Variants in SEMA4C observed in about 807,000 individuals in gnomAD.
SEMA4C encodes semaphorin 4C.
SEMA4C carries 19 observed loss-of-function variants against 89.0 expected under a neutral mutation model. The observed-to-expected ratio is 0.21, with a 90% CI of 0.15 to 0.31. SEMA4C has a LOEUF of 0.31. Among genes scored for constraint, SEMA4C ranks in the 10% least tolerant of loss-of-function variants. The probability of loss-of-function intolerance (pLI) is 1.00; values close to 1 mark genes in which losing one functional copy is unlikely to be tolerated. For synonymous variants in SEMA4C, 428 were observed against 472.7 expected, an observed-to-expected ratio of 0.91 and a Z score of 1.23; for missense variants, 811 against 1,107.0, an observed-to-expected ratio of 0.73 and a Z score of 3.79.
At chr2:96,867,667 C>CTTTCCA in intron 2 of SEMA4C, 111 bp downstream of exon 2, 1 of 1,149,492 alleles carries the variant, frequency 8.7e-7, no homozygotes, top group South Asian at 1.3e-5. Flanking sequence ...TCTTCCAACT[C>CTTTCCA]GAGTTTCTTA....
At position 96,860,446 on chromosome 2, in the gene SEMA4C, G is replaced by A; in HGVS notation, c.*180C>T. The A allele has an allele frequency of 1.8e-6, 1 of 551,664 alleles. No homozygotes were observed. The allele number at this position is 551,664 out of a possible 1,614,324, so 34.2% of individuals were successfully genotyped here. ...TTCTGCGAGGCTGGTGCCCTGGTGA[G>A]CCACACCAAGTGGCAGTGCCCGTGC... On this transcript the variant is annotated 3_prime_UTR_variant, in exon 15 of 15. Transcript: ENST00000305476.
At chr2:96,869,248 C>G (rs1226580279) in intron 1 of SEMA4C, 2 of 985,328 alleles carry the variant, frequency 2.0e-6, no homozygotes, top group African/African-American at 1.7e-5. Flanking sequence ...GGTGCTCCCA[C>G]CCGCAGCTCC....
At chr2:96,868,932 G>A (rs1559038308) in intron 1 of SEMA4C, 1 of 985,388 alleles carries the variant, frequency 1.0e-6, no homozygotes, top group Admixed American at 6.1e-5. Context: ...CCGTGCCAGG[G>A]GCGGAGACGC....
rs746789954 is a variant in SEMA4C, at chr2:96,867,827, C to T, written c.60G>A (p.Gly20=). The change falls in exon 2 of 15, where the codon GGG becomes GGA. Residue 20 remains glycine (G), a synonymous_variant. Transcript: ENST00000305476. ...GCACAAGGTTCCACCACACCTCAGC[C>T]CCAATGCCCAGGCCCCACAGCCTTG... ...LAARLWGLGI[G]AEVWWNLVPR... 2 of 1,613,710 alleles carry T rather than the reference C, an allele frequency of 1.2e-6. No individual in the cohort carries two copies. The highest frequency in any genetic ancestry group is 1.1e-5 in the South Asian group (1 of 91,086).
intron 5 of SEMA4C, 31 bp from the exon 6 acceptor site, chr2:96,865,568 T>C: frequency 6.2e-7 from 1 of 1,607,506 alleles, no homozygotes; most frequent in Non-Finnish European, 8.5e-7. Context: ...GATGAGGAGA[T>C]GCTTAAGGGC....
rs750626954 is a variant in SEMA4C at position 96,863,670 on chromosome 2, C to T, written c.1443+12G>A. ...TGCTGGGGACAGTGGCAGATAGGGCCCAACTTACTACCTTGCTCTGAGATA... is the reference window on the plus strand; with the variant it reads ...TGCTGGGGACAGTGGCAGATAGGGCTCAACTTACTACCTTGCTCTGAGATA... On this transcript the variant is annotated intron_variant, in intron 12 of 14. Coordinates refer to ENST00000305476, the MANE Select transcript of SEMA4C (RefSeq NM_017789.5). 9 of 1,608,920 alleles carry T rather than the reference C, an allele frequency of 5.6e-6. No individual in the cohort carries two copies. Among genetic ancestry groups the T allele is most frequent in the East Asian group, 2.2e-5 (1 of 44,836 alleles).
chr2:96,866,077 C>G, intron 3 of SEMA4C, 148 bp from the exon 4 acceptor site: 2 of 1,047,050 alleles, frequency 1.9e-6, no homozygotes, highest in Non-Finnish European at 2.8e-6. Flanking sequence ...AGAATGGAAG[C>G]CCCAAACCAC....
chr2:96,869,399 C>A, intron 1 of SEMA4C: 3 of 974,896 alleles, frequency 3.1e-6, no homozygotes, highest in Non-Finnish European at 3.6e-6. Flanking sequence ...GCGCTCCAGC[C>A]GGGGACGGCG....
chr2:96,870,129 G>T (rs2080172624), upstream of SEMA4C: 1 of 972,826 alleles, frequency 1.0e-6, no homozygotes, highest in South Asian at 4.7e-5. Flanking sequence ...CAGGCTGGGG[G>T]GGTCGAGCGG....
Position 96,860,759 on chromosome 2 carries a change from A to C in SEMA4C, c.2369T>G (p.Val790Gly). The C allele has an allele frequency of 6.2e-7, 1 of 1,613,838 alleles. No individual in the cohort carries two copies. The highest frequency in any genetic ancestry group is 1.3e-5 in the African/African-American group (1 of 75,008). ...GTCCTCCCCTCCTAGTTGTAAGCGC[A>C]CGTAACCATTGGCATTTGAGTTCCG... ...GGRNSNANGY[V>G]RLQLGGEDRG... The change falls in exon 15 of 15, where the codon GTG becomes GGG. Residue 790 changes from valine to glycine, a missense_variant. Val to Gly is a moderately radical substitution (Grantham distance 109). Transcript: ENST00000305476.
Position 96,864,067 on chromosome 2 carries a change from G to T in SEMA4C, c.1189C>A (p.His397Asn). The change falls in exon 11 of 15, where the codon CAC (histidine) becomes AAC (asparagine). Residue 397 changes from histidine (H) to asparagine (N), a missense_variant. Coordinates refer to ENST00000305476, the MANE Select transcript of SEMA4C (RefSeq NM_017789.5). The surrounding 1 kb of genome is among the most constrained non-coding windows in gnomAD (Gnocchi z 6.3). ...PDNILNFVKK[H>N]PLMEEQVGPR... Reference sequence around the variant, plus strand: ...CCCACCTGCTCCTCCATCAGCGGGTGCTTCTTGACGAAGTTGAGGATGTTG... The same window carrying T: ...CCCACCTGCTCCTCCATCAGCGGGTTCTTCTTGACGAAGTTGAGGATGTTG... 6.2e-7 allele frequency: 1 copy of T among 1,613,228 alleles called. No homozygotes were observed. Among genetic ancestry groups the T allele is most frequent in the Non-Finnish European group, 8.5e-7 (1 of 1,180,016 alleles).
intron 2 of SEMA4C, chr2:96,867,075 A>G (rs1559036831): frequency 5.0e-6 from 1 of 199,582 alleles, no homozygotes; most frequent in Non-Finnish European, 1.0e-5. Context: ...GCAGGGCACT[A>G]CGACATTTAT....
At chr2:96,862,873 A>C (rs1428547135) in intron 12 of SEMA4C, 1 of 150,600 alleles carries the variant, frequency 6.6e-6, no homozygotes, top group Non-Finnish European at 1.5e-5. Context: ...AAAAAAAAAA[A>C]AAAAAAAAAA....
chr2:96,860,775 T>C lies in SEMA4C; in HGVS notation c.2353A>G (p.Asn785Asp). 1 of 1,613,782 alleles carries C rather than the reference T, an allele frequency of 6.2e-7. No individual in the cohort carries two copies. The highest frequency in any genetic ancestry group is 8.5e-7 in the Non-Finnish European group (1 of 1,179,980). ...TGTAAGCGCACGTAACCATTGGCAT[T>C]TGAGTTCCGCCCACCCCCCAGGTGA... Reference protein sequence around the residue: ...RLHLGGGRNSNANGYVRLQLG... With the variant: ...RLHLGGGRNSDANGYVRLQLG... The change falls in exon 15 of 15, where the codon AAT becomes GAT. Residue 785 changes from asparagine to aspartate, a missense_variant. Physicochemically the swap from Asn to Asp is conservative, Grantham distance 23. This residue lies in a region of SEMA4C where 248 missense variants were observed against 269.0 expected (regional missense o/e 0.92). Coordinates refer to ENST00000305476, the MANE Select transcript of SEMA4C (RefSeq NM_017789.5).
At chr2:96,863,648 TG>T (rs775528981) in intron 12 of SEMA4C, 33 bp downstream of exon 12, 23 of 1,573,140 alleles carry the variant, frequency 1.5e-5, no homozygotes, top group Middle Eastern at 3.3e-4. Flanking sequence ...GGGATAGTGC[TG>T]GGGACAGTGG....
chr2:96,862,838 G>A (rs1388887782), intron 12 of SEMA4C: 2 of 149,796 alleles, frequency 1.3e-5, no homozygotes, highest in East Asian at 3.9e-4. Flanking sequence ...CTCCAGCCTG[G>A]GTGACAGAGC....
rs776978967 is a variant in SEMA4C at position 96,864,053 on chromosome 2, C to T, written c.1203G>A (p.Glu401=). The T allele has an allele frequency of 6.2e-7, 1 of 1,613,402 alleles. No homozygotes were observed. Among genetic ancestry groups the T allele is most frequent in the Non-Finnish European group, 8.5e-7 (1 of 1,180,030 alleles). The change falls in exon 11 of 15, where the codon GAG becomes GAA. Residue 401 remains glutamate, a synonymous_variant. Coordinates refer to ENST00000305476, the MANE Select transcript of SEMA4C (RefSeq NM_017789.5). This position sits in a 1 kb window ranked among gnomAD's most constrained non-coding sequence, Gnocchi z 6.3. ...LNFVKKHPLM[E]EQVGPRWSRP... Reference sequence around the variant, plus strand: ...GGCTCCACCGAGGCCCCACCTGCTCCTCCATCAGCGGGTGCTTCTTGACGA... The same window carrying T: ...GGCTCCACCGAGGCCCCACCTGCTCTTCCATCAGCGGGTGCTTCTTGACGA...
At position 96,864,649 on chromosome 2, in the gene SEMA4C, G is replaced by A. The variant is rs567477154; in HGVS notation, c.962+56C>T. 6.8e-5 allele frequency: 106 copies of A among 1,555,570 alleles called. No homozygotes were observed. The East Asian group carries it at 1.5e-3, about 22-fold the overall frequency. ...TGGTCCAGGCTCCCACCCATGCACC[G>A]TCCCTGACCTGAACCCCAGCTCCTC... On this transcript the variant is annotated intron_variant, in intron 9 of 14. Transcript: ENST00000305476. The surrounding 1 kb of genome is among the most constrained non-coding windows in gnomAD (Gnocchi z 6.3).
intron 2 of SEMA4C, 145 bp from the exon 3 acceptor site, chr2:96,866,576 GC>G (rs1211048238): frequency 8.3e-7 from 1 of 1,197,802 alleles, no homozygotes; most frequent in Non-Finnish European, 1.2e-6. Flanking sequence ...TTTTGAAACA[GC>G]CTTTGGCCCT....
Sources: gnomAD v4.1 joint callset for allele counts on GRCh38, gnomAD v4.1.1 for gene constraint, gnomAD v4.1.1 regional missense constraint, Gnocchi (gnomAD v3.1) non-coding constraint, MANE v1.5 for transcripts, NCBI Gene and HGNC (gene_info 2026-07-23, HGNC 2026-07-21) for gene names.